The following TNKS variants were observed in gnomAD, a reference collection of about 807,000 sequenced individuals.
The protein encoded by TNKS is poly [ADP-ribose] polymerase tankyrase-1.
In TNKS, 72 loss-of-function variants were observed where a neutral mutation model predicts 135.8. That is an observed-to-expected ratio of 0.53 (90% CI 0.44 to 0.64). The LOEUF is 0.64. Ranked by LOEUF, TNKS falls within the 30% of genes least tolerant of loss-of-function variation. The pLI, the probability that TNKS is intolerant of heterozygous loss-of-function variation, is 0.00. For missense variants in TNKS, 1,769 were observed against 1,674.0 expected (o/e 1.06, Z -0.99); for synonymous variants, 849 against 649.3 (o/e 1.31, Z -4.68).
At chr8:9,769,455 T>C (rs1434033101) in intron 25 of TNKS, among the ~76,000 whole-genome samples, 1 of 152,188 alleles carries the variant, frequency 6.6e-6, no homozygotes, top group Non-Finnish European at 1.5e-5. Flanking sequence ...CAGTTTCTAC[T>C]TTTTTCCCTG....
intron 3 of TNKS, among the ~76,000 whole-genome samples, chr8:9,654,977 C>T (rs561071266): frequency 6.6e-5 from 10 of 152,192 alleles, no homozygotes; most frequent in Non-Finnish European, 1.3e-4. Flanking sequence ...CGCAAGGGGT[C>T]AGGGAATTCC....
intron 12 of TNKS, among the ~76,000 whole-genome samples, chr8:9,721,968 A>G (rs1446013332): frequency 1.3e-5 from 2 of 151,646 alleles, no homozygotes; most frequent in Non-Finnish European, 1.5e-5. Flanking sequence ...CAGGAGAATC[A>G]CTGGAACCTA....
At chr8:9,599,346 G>A (rs1798925586) in intron 2 of TNKS, among the ~76,000 whole-genome samples, 1 of 152,144 alleles carries the variant, frequency 6.6e-6, no homozygotes, top group African/African-American at 2.4e-5. Context: ...TGTGCAAAGA[G>A]CCAAGCCGAG....
Position 9,742,667 on chromosome 8 carries a change from G to A in TNKS, c.2644-5357G>A, listed in dbSNP as rs143835471. On this transcript the variant is annotated intron_variant, in intron 17 of 26. Coordinates refer to ENST00000310430, the MANE Select transcript of TNKS (RefSeq NM_003747.3). ...AAGGCCAGGAGTTTGAGACCAGCCT[G>A]GGCGACATAGTGAGACCCTATCTCT... Among the ~76,000 whole-genome samples, 310 of 149,856 alleles carry A rather than the reference G, an allele frequency of 2.1e-3. 2 individuals are homozygous for A. Among genetic ancestry groups the A allele is most frequent in the African/African-American group, 6.8e-3 (279 of 41,046 alleles).
chr8:9,733,531 A>G (rs1363590287), intron 15 of TNKS, 87 bp downstream of exon 15: 5 of 1,110,204 alleles, frequency 4.5e-6, no homozygotes, highest in African/African-American at 3.2e-5. Flanking sequence ...ATGTTATTCT[A>G]TTAAGAACAA....
intron 12 of TNKS, chr8:9,722,524 A>G (rs1399987456): frequency 6.7e-6 from 1 of 148,314 alleles, no homozygotes; most frequent in Non-Finnish European, 1.5e-5. Context: ...GAACAAATGA[A>G]ATTTTCTATA....
chr8:9,768,720 G>A (rs142383150), intron 25 of TNKS, among the ~76,000 whole-genome samples: 11 of 152,312 alleles, frequency 7.2e-5, no homozygotes, highest in African/African-American at 2.6e-4. Flanking sequence ...AGAATCTAAC[G>A]ACAACATAGC....
intron 17 of TNKS, among the ~76,000 whole-genome samples, chr8:9,746,749 T>A (rs970108602): frequency 1.3e-5 from 2 of 152,070 alleles, no homozygotes; most frequent in African/African-American, 2.4e-5. Context: ...AGTGAGTAAG[T>A]GAATGATGCC....
chr8:9,616,554 T>A (rs1799652919), intron 3 of TNKS, among the ~76,000 whole-genome samples: 1 of 152,222 alleles, frequency 6.6e-6, no homozygotes, highest in Admixed American at 6.5e-5. Context: ...ATTTTGTTCT[T>A]GTTTAAGTTT....
intron 3 of TNKS, among the ~76,000 whole-genome samples, chr8:9,631,291 C>T (rs897332631): frequency 7.2e-5 from 11 of 152,184 alleles, no homozygotes; most frequent in African/African-American, 2.2e-4. Flanking sequence ...CCATGTCAAT[C>T]ATGAGCCATT....
intron 11 of TNKS, 72 bp downstream of exon 11, chr8:9,710,292 C>T (rs569524001): frequency 2.1e-6 from 3 of 1,416,228 alleles, no homozygotes; most frequent in African/African-American, 1.4e-5. Flanking sequence ...CTGCTTCTCT[C>T]TCTCCGATTT....
intron 2 of TNKS, among the ~76,000 whole-genome samples, chr8:9,601,983 G>C (rs1386859225): frequency 6.6e-6 from 1 of 152,054 alleles, no homozygotes; most frequent in Non-Finnish European, 1.5e-5. Context: ...GGGTCCATAG[G>C]AACCTAAAGA....
intron 8 of TNKS, among the ~76,000 whole-genome samples, chr8:9,707,415 C>A (rs2128808232): frequency 6.6e-6 from 1 of 152,222 alleles, no homozygotes; most frequent in Non-Finnish European, 1.5e-5. Context: ...CTCTTATGGG[C>A]TTACGTTCTT....
chr8:9,763,272 G>T (rs762340365), intron 22 of TNKS, 28 bp downstream of exon 22: 1 of 1,470,814 alleles, frequency 6.8e-7, no homozygotes, highest in East Asian at 2.3e-5. Context: ...TCTTTCATTT[G>T]CTTTTCTTGA....
chr8:9,701,699 C>A (rs965141867), intron 5 of TNKS, among the ~76,000 whole-genome samples: 1 of 152,198 alleles, frequency 6.6e-6, no homozygotes, highest in African/African-American at 2.4e-5. Flanking sequence ...AACTTACCGC[C>A]TCCAAAGAAT....
At chr8:9,656,465 A>C (rs75224173) in intron 3 of TNKS, among the ~76,000 whole-genome samples, 1 of 152,192 alleles carries the variant, frequency 6.6e-6, no homozygotes, top group Non-Finnish European at 1.5e-5. Context: ...GAAATGAGGG[A>C]AAAAATGTTA....
Position 9,730,934 on chromosome 8 carries a change from C to T in TNKS, c.2046C>T (p.Gly682=). The T allele has an allele frequency of 6.2e-7, 1 of 1,614,020 alleles. No homozygotes were observed. Among genetic ancestry groups the T allele is most frequent in the Non-Finnish European group, 8.5e-7 (1 of 1,179,974 alleles). The change falls in exon 14 of 27, where the codon GGC becomes GGT. Residue 682 remains glycine, a synonymous_variant. Coordinates refer to ENST00000310430, the MANE Select transcript of TNKS (RefSeq NM_003747.3). ...ATGTGAATTGTAGAGACTTAGAGGG[C>T]CGGCATTCCACGCCCTTACACTTCG... The part of the protein sequence containing the change: ...SQNVNCRDLE[G]RHSTPLHFAA...
At chr8:9,721,140 C>T (rs376971904) in intron 12 of TNKS, among the ~76,000 whole-genome samples, 4 of 151,456 alleles carry the variant, frequency 2.6e-5, no homozygotes, top group East Asian at 3.9e-4. Flanking sequence ...ATTAGCTGGG[C>T]GGAGTGGCGC....
intron 3 of TNKS, among the ~76,000 whole-genome samples, chr8:9,679,142 A>T (rs1425426922): frequency 6.6e-6 from 1 of 152,246 alleles, no homozygotes; most frequent in Non-Finnish European, 1.5e-5. Context: ...GATAAAATAG[A>T]ATGGGGGAAA....
Sources: gnomAD v4.1 joint callset for allele counts (sites outside exome capture counted in the v4.1 genomes callset) on GRCh38, gnomAD v4.1.1 for gene constraint, MANE v1.5 for transcripts, NCBI Gene and HGNC (gene_info 2026-07-23, HGNC 2026-07-21) for gene names.